TDRD9: variants seen among roughly 807,000 people sequenced by gnomAD.
The protein encoded by TDRD9 is ATP-dependent RNA helicase TDRD9.
TDRD9 carries 124 observed loss-of-function variants against 172.6 expected under a neutral mutation model. The ratio of observed to expected loss-of-function variants is 0.72; its 90% CI spans 0.62 to 0.83. TDRD9 has a LOEUF of 0.83. Among genes scored for constraint, TDRD9 ranks in the 40% least tolerant of loss-of-function variants. The pLI, the probability that TDRD9 is intolerant of heterozygous loss-of-function variation, is 0.00. For synonymous variants in TDRD9, 619 were observed against 617.1 expected, an observed-to-expected ratio of 1.00 and a Z score of -0.05; for missense variants, 1,479 against 1,714.1, an observed-to-expected ratio of 0.86 and a Z score of 2.42.
At chr14:103,952,220 ATTTTT>A (rs61410445) in intron 1 of TDRD9, among the ~76,000 whole-genome samples, 421 of 32,286 alleles carry the variant, frequency 0.013, 2 homozygotes, top group South Asian at 0.07. Flanking sequence ...ATATATATAT[ATTTTT>A]TTTTTTTTTT....
In TDRD9 at chr14:103,997,566, G is replaced by A. The variant is rs1183031531; in HGVS notation, c.1379-1058G>A. On this transcript the variant is annotated intron_variant, in intron 12 of 35. Transcript: ENST00000409874. The surrounding 1 kb of genome is among the most constrained non-coding windows in gnomAD (Gnocchi z 5.1). Reference sequence around the variant, plus strand: ...TGGCTGTGTGAGCCTGGAGACCAGGGCCAGGGAGCAGCTGGCGGGGGCGTC... The same window carrying A: ...TGGCTGTGTGAGCCTGGAGACCAGGACCAGGGAGCAGCTGGCGGGGGCGTC... Among the ~76,000 whole-genome samples the A allele has an allele frequency of 6.6e-6, 1 of 152,242 alleles. No individual in the cohort carries two copies. The highest frequency in any genetic ancestry group is 1.5e-5 in the Non-Finnish European group (1 of 68,032).
Position 104,040,337 on chromosome 14 carries a change from A to C in TDRD9, c.3855+3A>C. On this transcript the variant is annotated splice_donor_region_variant and intron_variant, in intron 33 of 35. Transcript: ENST00000409874. ...TCAGCGTGGAGGATGTCGTCGAGGT[A>C]AGGGTAGTGCAGCATCACGGCACCA... is the stretch of plus-strand genomic sequence containing the variant. The C allele has an allele frequency of 6.5e-7, 1 of 1,548,370 alleles. No individual in the cohort carries two copies. Among genetic ancestry groups the C allele is most frequent in the South Asian group, 1.2e-5 (1 of 83,514 alleles).
chr14:104,026,958 GC>G lies in TDRD9; in HGVS notation c.3282+20del, dbSNP rs1305615682. ...GTCCAAGGTGTGTGCTTTCGCCGTT[GC>G]TGGAGCACGCGTTTGTGTGAGAGAG... On this transcript the variant is annotated intron_variant, in intron 28 of 35. Transcript: ENST00000409874. The G allele has an allele frequency of 8.7e-6, 14 of 1,609,182 alleles. No individual in the cohort carries two copies. Among genetic ancestry groups the G allele is most frequent in the Non-Finnish European group, 1.2e-5 (14 of 1,176,514 alleles).
At chr14:104,036,480 G>A (rs2035453711) in intron 32 of TDRD9, among the ~76,000 whole-genome samples, 3 of 152,224 alleles carry the variant, frequency 2.0e-5, no homozygotes, top group Admixed American at 2.0e-4. Flanking sequence ...AGCACGCTGT[G>A]CACCTGCAGG....
At position 104,035,071 on chromosome 14, in the gene TDRD9, C is replaced by G. The variant is rs1404409893; in HGVS notation, c.3716+15C>G. 1.7e-5 allele frequency: 26 copies of G among 1,545,454 alleles called. No homozygotes were observed. Among genetic ancestry groups the G allele is most frequent in the Non-Finnish European group, 2.1e-5 (24 of 1,141,758 alleles). On this transcript the variant is annotated intron_variant, in intron 32 of 35. Transcript: ENST00000409874. Reference sequence around the variant, plus strand: ...ATAGAGTTAAGGTACGGGCATCCCTCTTGTCTATAGGCTTTGTAAAATAAG... The same window carrying G: ...ATAGAGTTAAGGTACGGGCATCCCTGTTGTCTATAGGCTTTGTAAAATAAG...
Position 103,986,321 on chromosome 14 carries a change from G to A in TDRD9, c.1115+1G>A. On this transcript the variant is annotated splice_donor_variant, in intron 8 of 35. Transcript: ENST00000409874. LOFTEE classifies it high-confidence loss of function. ...ATGACTTGGATATGAAGGAGAGTGGGTAAGAGATACTTCAGTTGGTAATGC... is the reference window on the plus strand; with the variant it reads ...ATGACTTGGATATGAAGGAGAGTGGATAAGAGATACTTCAGTTGGTAATGC... 1 of 1,595,484 alleles carries A rather than the reference G, an allele frequency of 6.3e-7. No homozygotes were observed. Among genetic ancestry groups the A allele is most frequent in the South Asian group, 1.1e-5 (1 of 89,048 alleles).
chr14:104,027,032 C>A, intron 28 of TDRD9, 93 bp downstream of exon 28: 3 of 1,356,634 alleles, frequency 2.2e-6, no homozygotes, highest in Non-Finnish European at 3.0e-6. Context: ...TAGGAGGAGG[C>A]GGACAGTGTT....
chr14:103,945,616 T>C (rs758542514), intron 1 of TDRD9: 1 of 152,226 alleles, frequency 6.6e-6, no homozygotes, highest in African/African-American at 2.4e-5. Flanking sequence ...TCCTAGGATA[T>C]TTTGTGTGGA....
intron 7 of TDRD9, among the ~76,000 whole-genome samples, chr14:103,985,890 T>C (rs758033885): frequency 2.0e-5 from 3 of 152,226 alleles, no homozygotes; most frequent in Non-Finnish European, 2.9e-5. Flanking sequence ...CTGGGTTCCA[T>C]AGACATTTGG....
chr14:103,975,984 G>A (rs890556063), intron 7 of TDRD9, among the ~76,000 whole-genome samples: 1 of 152,120 alleles, frequency 6.6e-6, no homozygotes, highest in South Asian at 2.1e-4. Flanking sequence ...GACACTAGAA[G>A]TTATTTCTTA....
In TDRD9 at chr14:104,025,608, C is replaced by G; in HGVS notation, c.2763C>G (p.Asn921Lys). 1 of 1,613,968 alleles carries G rather than the reference C, an allele frequency of 6.2e-7. No individual in the cohort carries two copies. Among genetic ancestry groups the G allele is most frequent in the East Asian group, 2.2e-5 (1 of 44,874 alleles). The stretch of plus-strand genomic sequence containing the variant: ...TTTGGGGATACAGGATTGATGAAAA[C>G]AACTCAGAGATTCTGAAAAAGCTTA... The part of the protein sequence containing the change: ...GHFWGYRIDE[N>K]NSEILKKLTA... The change falls in exon 26 of 36, where the codon AAC (asparagine) becomes AAG (lysine). Residue 921 changes from asparagine to lysine, a missense_variant. Physicochemically the swap from Asn to Lys is moderately conservative, Grantham distance 94. Around this residue, in one of 3 missense-constraint regions of TDRD9, gnomAD observed 1,413 missense variants for 1,649.1 expected, o/e 0.86. Coordinates refer to ENST00000409874, the MANE Select transcript of TDRD9 (RefSeq NM_153046.3).
intron 1 of TDRD9, among the ~76,000 whole-genome samples, chr14:103,929,205 A>G (rs2030198137): frequency 6.6e-6 from 1 of 150,810 alleles, no homozygotes; most frequent in Non-Finnish European, 1.5e-5. Flanking sequence ...CGCATTACAG[A>G]GTTCACTGAC....
chr14:104,013,148 G>A (rs2034668215), intron 20 of TDRD9, among the ~76,000 whole-genome samples: 1 of 151,980 alleles, frequency 6.6e-6, no homozygotes, highest in Non-Finnish European at 1.5e-5. Context: ...ATTCTTTTTA[G>A]TTGTTATTCC....
At chr14:103,952,778 G>A (rs1595908512) in intron 1 of TDRD9, among the ~76,000 whole-genome samples, 1 of 111,268 alleles carries the variant, frequency 9.0e-6, no homozygotes, top group East Asian at 3.0e-4. Flanking sequence ...TCACTCTGTC[G>A]CCCAGGCTGG....
chr14:104,004,625 G>A (rs997943869), intron 14 of TDRD9, among the ~76,000 whole-genome samples: 18 of 152,086 alleles, frequency 1.2e-4, no homozygotes, highest in African/African-American at 3.9e-4. Flanking sequence ...TGATCCGCCC[G>A]CCTTGGCCTC....
chr14:103,996,781 A>G (rs1199962338), intron 12 of TDRD9, among the ~76,000 whole-genome samples: 4 of 152,216 alleles, frequency 2.6e-5, no homozygotes, highest in Admixed American at 2.6e-4. Context: ...AAGTTACATG[A>G]TGGTGAGTGT....
chr14:104,021,900 G>T (rs1253129096), intron 23 of TDRD9, among the ~76,000 whole-genome samples: 1 of 152,098 alleles, frequency 6.6e-6, no homozygotes, highest in Non-Finnish European at 1.5e-5. Flanking sequence ...TGTGACTTTA[G>T]TGTTTATTCT....
At chr14:103,933,324 C>T (rs1226566700) in intron 1 of TDRD9, among the ~76,000 whole-genome samples, 3 of 152,172 alleles carry the variant, frequency 2.0e-5, no homozygotes, top group East Asian at 3.9e-4. Context: ...CTTCCTTCTG[C>T]CTTGTGTTTC....
chr14:104,042,699 A>G (rs1268521413), intron 34 of TDRD9, among the ~76,000 whole-genome samples: 1 of 152,168 alleles, frequency 6.6e-6, no homozygotes, highest in African/African-American at 2.4e-5. Context: ...CGGGAAGGCC[A>G]AGAAGAGTGG....
Sources: allele counts gnomAD v4.1 joint callset (sites outside exome capture counted in the v4.1 genomes callset), GRCh38; gene constraint gnomAD v4.1.1; regional missense constraint gnomAD v4.1.1; non-coding constraint Gnocchi (gnomAD v3.1); transcripts MANE v1.5; gene names NCBI Gene and HGNC (gene_info 2026-07-23, HGNC 2026-07-21).